The following GRIK3 variants were observed in gnomAD, a reference collection of about 807,000 sequenced individuals.
GRIK3 encodes glutamate receptor ionotropic, kainate 3.
A neutral mutation model predicts 102.5 loss-of-function variants in GRIK3; 29 were observed. The observed-to-expected ratio is 0.28, with a 90% CI of 0.21 to 0.39. The LOEUF is 0.39. Among genes scored for constraint, GRIK3 ranks in the 10% least tolerant of loss-of-function variants. The pLI, the probability that GRIK3 is intolerant of heterozygous loss-of-function variation, is 1.00. For missense variants in GRIK3, 908 were observed against 1,252.4 expected (o/e 0.73, Z 4.15); for synonymous variants, 511 against 504.9 (o/e 1.01, Z -0.16).
chr1:36,864,730 T>C (rs983574225), intron 5 of GRIK3, among the ~76,000 whole-genome samples: 7 of 152,214 alleles, frequency 4.6e-5, no homozygotes, highest in South Asian at 2.1e-4. Flanking sequence ...CCCCTGAGCC[T>C]GGGCTTAGCT....
In GRIK3 at chr1:36,872,159, A is replaced by G. The variant is rs182386111; in HGVS notation, c.732+29T>C. 2 of 1,538,216 alleles carry G rather than the reference A, an allele frequency of 1.3e-6. No individual in the cohort carries two copies. The highest frequency in any genetic ancestry group is 1.4e-5 in the African/African-American group (1 of 72,826). ...GAGAAGTGGCCAGCAGACCCCAGTCATCTGTCCCGGTGGCCAGCACTCACG... is the reference window on the plus strand; with the variant it reads ...GAGAAGTGGCCAGCAGACCCCAGTCGTCTGTCCCGGTGGCCAGCACTCACG... On this transcript the variant is annotated intron_variant, in intron 4 of 15. Transcript: ENST00000373091. This position sits in a 1 kb window ranked among gnomAD's most constrained non-coding sequence, Gnocchi z 5.9.
chr1:36,812,585 GA>G (rs1642574858), intron 13 of GRIK3, among the ~76,000 whole-genome samples: 1 of 152,052 alleles, frequency 6.6e-6, no homozygotes. Flanking sequence ...CAACACAGGA[GA>G]CGCTGTTTGT....
chr1:36,980,190 C>G (rs145819607), intron 1 of GRIK3, among the ~76,000 whole-genome samples: 25 of 152,278 alleles, frequency 1.6e-4, no homozygotes, highest in African/African-American at 5.5e-4. Flanking sequence ...AAATGCAAAC[C>G]TGATCAGGCC....
chr1:36,968,219 CCG>C (rs1491360830), intron 1 of GRIK3, among the ~76,000 whole-genome samples: 1 of 127,378 alleles, frequency 7.9e-6, no homozygotes, highest in Non-Finnish European at 1.6e-5. Flanking sequence ...CTCTCTCTCT[CCG>C]TGTGTGTGTG....
At position 36,817,103 on chromosome 1, in the gene GRIK3, T is replaced by G. The variant is rs1455121396; in HGVS notation, c.2048A>C (p.Glu683Ala). The G allele has an allele frequency of 3.1e-6, 5 of 1,613,990 alleles. No individual in the cohort carries two copies. Among genetic ancestry groups the G allele is most frequent in the East Asian group, 2.2e-5 (1 of 44,892 alleles). Residue 683 changes from glutamate to alanine, a missense_variant, in exon 13 of 16, where the codon GAG (glutamate) becomes GCG (alanine). Around this residue, in one of 3 missense-constraint regions of GRIK3, gnomAD observed 297 missense variants for 362.7 expected, o/e 0.82. Coordinates refer to ENST00000373091, the MANE Select transcript of GRIK3 (RefSeq NM_000831.4). ...GGCCCCATCCTTGACAGCCCCATAC[T>G]CGATTTTGGTTTGCTTGGCCAGGTC... ...ADDLAKQTKI[E>A]YGAVKDGATM...
Position 36,912,804 on chromosome 1 carries a change from G to A in GRIK3, c.116-21708C>T, listed in dbSNP as rs560043079. ...AGTGCCTGACACACTATCTAGCACAGATAGGATGTCAACATGTTTGTTAAA... is the reference window on the plus strand; with the variant it reads ...AGTGCCTGACACACTATCTAGCACAAATAGGATGTCAACATGTTTGTTAAA... On this transcript the variant is annotated intron_variant, in intron 1 of 15. Transcript: ENST00000373091. Among the ~76,000 whole-genome samples, 70 of 152,350 alleles carry A rather than the reference G, an allele frequency of 4.6e-4. No individual in the cohort carries two copies. The South Asian group carries it at 0.014, about 30-fold the overall frequency.
intron 1 of GRIK3, among the ~76,000 whole-genome samples, chr1:36,957,287 T>TGTGCCCCATGAGCCTGC (rs1248056662): frequency 6.6e-6 from 1 of 152,100 alleles, no homozygotes; most frequent in East Asian, 1.9e-4. Context: ...TGTGAGTCTG[T>TGTGCCCCATGAGCCTGC]GTGCCCCACG....
intron 1 of GRIK3, among the ~76,000 whole-genome samples, chr1:36,947,037 C>T (rs1641792068): frequency 6.6e-6 from 1 of 152,040 alleles, no homozygotes; most frequent in South Asian, 2.1e-4. Context: ...AAGATTGTAG[C>T]AGGAGGTGCT....
intron 1 of GRIK3, among the ~76,000 whole-genome samples, chr1:36,922,482 T>C (rs993292048): frequency 5.9e-5 from 9 of 152,162 alleles, no homozygotes; most frequent in African/African-American, 2.2e-4. Context: ...TGCCTGGCCA[T>C]ACAGGGGGCT....
chr1:36,860,046 A>C (rs1570765335), intron 5 of GRIK3, 29 bp from the exon 6 acceptor site: 2 of 1,525,302 alleles, frequency 1.3e-6, no homozygotes, highest in East Asian at 4.6e-5. Context: ...GTGTAAACCA[A>C]GGCATGCTCA....
intron 2 of GRIK3, among the ~76,000 whole-genome samples, chr1:36,883,750 C>G (rs115668336): frequency 6.6e-6 from 1 of 151,756 alleles, no homozygotes; most frequent in African/African-American, 2.4e-5. Context: ...AAGGGTCCCT[C>G]TCGCCTGGGC....
intron 3 of GRIK3, among the ~76,000 whole-genome samples, chr1:36,877,755 A>G (rs1305035501): frequency 6.6e-6 from 1 of 151,944 alleles, no homozygotes; most frequent in African/African-American, 2.4e-5. Context: ...CTCCTCATTC[A>G]TCTATCCTCT....
At chr1:36,865,251 G>A (rs1365863750) in intron 5 of GRIK3, among the ~76,000 whole-genome samples, 3 of 152,224 alleles carry the variant, frequency 2.0e-5, no homozygotes, top group African/African-American at 7.2e-5. Flanking sequence ...TTAATGCGAG[G>A]TTATCTGGGA....
At chr1:37,017,391 A>AAAC (rs1262039143) in intron 1 of GRIK3, among the ~76,000 whole-genome samples, 2 of 150,964 alleles carry the variant, frequency 1.3e-5, no homozygotes, top group African/African-American at 4.9e-5. Context: ...AAAAAAAAAA[A>AAAC]AAAAGAAGAA....
chr1:37,012,694 G>A (rs7546063), intron 1 of GRIK3, among the ~76,000 whole-genome samples: 154 of 152,272 alleles, frequency 1.0e-3, no homozygotes, highest in African/African-American at 3.5e-3. Context: ...GCAACTAAAC[G>A]CTAAAGGAAT....
chr1:36,952,609 T>C (rs1484367541), intron 1 of GRIK3, among the ~76,000 whole-genome samples: 2 of 152,196 alleles, frequency 1.3e-5, no homozygotes, highest in African/African-American at 4.8e-5. Context: ...ACGCACTGTG[T>C]GCCAGCAGGC....
chr1:36,850,417 A>T lies in GRIK3; in HGVS notation c.1220T>A (p.Val407Glu). Residue 407 changes from valine (V) to glutamate (E), a missense_variant, in exon 9 of 16, where the codon GTG becomes GAG. Physicochemically the swap from Val to Glu is moderately radical, Grantham distance 121. Coordinates refer to ENST00000373091, the MANE Select transcript of GRIK3 (RefSeq NM_000831.4). This position sits in a 1 kb window ranked among gnomAD's most constrained non-coding sequence, Gnocchi z 4.0. ...GTTGAGCCCGTCGGCAGGACTCCACACCCCAACCTGGATGGACACAGACAG... is the reference window on the plus strand; with the variant it reads ...GTTGAGCCCGTCGGCAGGACTCCACTCCCCAACCTGGATGGACACAGACAG... ...LKEDGLEKVG[V>E]WSPADGLNIT... 2 of 1,606,464 alleles carry T rather than the reference A, an allele frequency of 1.2e-6. No homozygotes were observed. Among genetic ancestry groups the T allele is most frequent in the Middle Eastern group, 1.7e-4 (1 of 6,048 alleles).
chr1:36,931,651 T>C (rs2124314263), intron 1 of GRIK3, among the ~76,000 whole-genome samples: 1 of 152,342 alleles, frequency 6.6e-6, no homozygotes, highest in Middle Eastern at 3.4e-3. Context: ...AGTGTTTTTC[T>C]TTGCCATATG....
chr1:36,949,283 A>T (rs1398300520), intron 1 of GRIK3, among the ~76,000 whole-genome samples: 6 of 152,020 alleles, frequency 3.9e-5, no homozygotes, highest in African/African-American at 1.5e-4. Flanking sequence ...CTAGCTCTAC[A>T]CTGAACCCTA....
Sources: allele counts gnomAD v4.1 joint callset (sites outside exome capture counted in the v4.1 genomes callset), GRCh38; gene constraint gnomAD v4.1.1; regional missense constraint gnomAD v4.1.1; non-coding constraint Gnocchi (gnomAD v3.1); transcripts MANE v1.5; gene names NCBI Gene and HGNC (gene_info 2026-07-23, HGNC 2026-07-21).